Variants in TDRD9 observed in about 807,000 individuals in gnomAD.
TDRD9 encodes the protein tudor domain containing 9.
A neutral mutation model predicts 172.6 loss-of-function variants in TDRD9; 124 were observed. That is an observed-to-expected ratio of 0.72 (90% confidence interval 0.62 to 0.83). The LOEUF is 0.83. TDRD9 is among the 40% of genes least tolerant of loss of function. The pLI, the probability that TDRD9 is intolerant of heterozygous loss-of-function variation, is 0.00. For synonymous variants in TDRD9, 619 were observed against 617.1 expected (o/e 1.00, Z -0.05); for missense variants, 1,479 against 1,714.1 (o/e 0.86, Z 2.42).
chr14:104,043,860 G>T (rs1212485601), intron 34 of TDRD9, among the ~76,000 whole-genome samples: 1 of 152,232 alleles, frequency 6.6e-6, no homozygotes, highest in Non-Finnish European at 1.5e-5. Context: ...GCAGTCTCAT[G>T]CAGGCAGCCT....
At position 104,025,461 on chromosome 14, in the gene TDRD9, G is replaced by A. The variant is rs1028157453; in HGVS notation, c.2719-103G>A. 8 of 801,534 alleles carry A rather than the reference G, an allele frequency of 1.0e-5. No individual in the cohort carries two copies. The Admixed American group carries it at 1.0e-4, about 10-fold the overall frequency. The allele number at this position is 801,534 out of a possible 1,614,324, so 49.7% of individuals were successfully genotyped here. A position where few individuals can be genotyped will look rare whatever the true frequency, so the allele number is the denominator to read the frequency against. ...ATGTTCCGAGGATTAACGCTGGTGA[G>A]GTGTCGTACAGCACAGGGTGTCAGC... On this transcript the variant is annotated intron_variant, in intron 25 of 35. Coordinates refer to ENST00000409874, the MANE Select transcript of TDRD9 (RefSeq NM_153046.3).
chr14:103,965,540 GT>G lies in TDRD9; in HGVS notation c.629del (p.Val210GlyfsTer6). Reference protein sequence around the residue: ...SKERAWTLGGVVGYQVGLEKI... With the variant: ...SKERAWTLGGXVGYQVGLEKI... Reference sequence around the variant, plus strand: ...AGAGCGTGCCTGGACCCTGGGAGGTGTGGTGGGCTACCAGGTGAGACTGGGA... The same window carrying G: ...AGAGCGTGCCTGGACCCTGGGAGGTGGGTGGGCTACCAGGTGAGACTGGGA... On this transcript the variant is annotated frameshift_variant, in exon 4 of 36. Transcript: ENST00000409874. LOFTEE classifies it high-confidence loss of function. The G allele has an allele frequency of 6.5e-7, 1 of 1,548,810 alleles. No homozygotes were observed.
chr14:104,049,774 A>G, intron 35 of TDRD9, 94 bp downstream of exon 35: 1 of 1,058,316 alleles, frequency 9.4e-7, no homozygotes, highest in South Asian at 1.5e-5. Context: ...GGGCTGGCCG[A>G]GGGTCTGAGA....
At chr14:104,034,926 A>G (rs1596016173) in intron 31 of TDRD9, 34 bp from the exon 32 acceptor site, 1 of 1,513,526 alleles carries the variant, frequency 6.6e-7, no homozygotes, top group East Asian at 2.5e-5. Context: ...AGCGTGAGTT[A>G]ATGCCCGATG....
intron 23 of TDRD9, among the ~76,000 whole-genome samples, chr14:104,020,082 C>T (rs1298364214): frequency 6.6e-6 from 1 of 152,082 alleles, no homozygotes; most frequent in Non-Finnish European, 1.5e-5. Context: ...CAGAGCTGCT[C>T]CGTGTCAGAT....
intron 5 of TDRD9, among the ~76,000 whole-genome samples, chr14:103,967,392 G>A (rs376967737): frequency 3.4e-4 from 51 of 151,240 alleles, no homozygotes; most frequent in African/African-American, 1.2e-3. Context: ...GGGTGCGGTG[G>A]CACACACCTA....
At position 103,994,345 on chromosome 14, in the gene TDRD9, A is replaced by T. The variant is rs991903604; in HGVS notation, c.1194A>T (p.Ile398=). ...TTTCTTCCCTAGGTCTGGGTGAAAT[A>T]AATTATATGCATGAACTTCTCACAA... The part of the protein sequence containing the change: ...VLVFLPGLGE[I]NYMHELLTSL... The change falls in exon 10 of 36, where the codon ATA becomes ATT. Residue 398 remains isoleucine, a synonymous_variant. Transcript: ENST00000409874. The T allele has an allele frequency of 6.2e-7, 1 of 1,613,590 alleles. No individual in the cohort carries two copies. The highest frequency in any genetic ancestry group is 8.5e-7 in the Non-Finnish European group (1 of 1,179,724).
At position 103,957,168 on chromosome 14, in the gene TDRD9, C is replaced by CTTTCATTTAGTTTTGTGTT. The variant is rs2032289197; in HGVS notation, c.322+1407_322+1425dup. On this transcript the variant is annotated intron_variant, in intron 2 of 35. Transcript: ENST00000409874. The stretch of plus-strand genomic sequence containing the variant: ...TCTGAGCCATCATCTATGGCCCACT[C>CTTTCATTTAGTTTTGTGTT]TTTCATTTAGTTTTGTGTTTTTCAT... Among the ~76,000 whole-genome samples the CTTTCATTTAGTTTTGTGTT allele has an allele frequency of 2.0e-5, 3 of 152,174 alleles. No homozygotes were observed. In the South Asian group the frequency reaches 6.2e-4, roughly 31 times the overall value.
chr14:103,974,188 C>A (rs973747609), intron 6 of TDRD9, among the ~76,000 whole-genome samples: 2 of 152,136 alleles, frequency 1.3e-5, no homozygotes, highest in Admixed American at 1.3e-4. Context: ...GGTGGTAGAG[C>A]CAGAACTTGT....
intron 22 of TDRD9, among the ~76,000 whole-genome samples, chr14:104,016,775 A>G (rs2034806283): frequency 6.6e-6 from 1 of 152,214 alleles, no homozygotes. Context: ...TGTATCTGAT[A>G]AGGCGGGGTG....
chr14:103,947,105 G>C (rs1392453858), intron 1 of TDRD9, among the ~76,000 whole-genome samples: 1 of 152,066 alleles, frequency 6.6e-6, no homozygotes, highest in Non-Finnish European at 1.5e-5. Flanking sequence ...GAAGTACAAA[G>C]CTGGAAGACT....
At chr14:103,944,918 G>A (rs1045407943) in intron 1 of TDRD9, among the ~76,000 whole-genome samples, 1 of 152,140 alleles carries the variant, frequency 6.6e-6, no homozygotes, top group African/African-American at 2.4e-5. Flanking sequence ...GTCCTCTACT[G>A]TAATTGCTGG....
Position 103,941,522 on chromosome 14 carries a change from A to T in TDRD9, c.215+12798A>T, listed in dbSNP as rs563244510. ...AGTTTCTGAGCCAGTTGTAATCCAC[A>T]CCTGTTTTTTTCACTTTTTGTTCAT... On this transcript the variant is annotated intron_variant, in intron 1 of 35. Coordinates refer to ENST00000409874, the MANE Select transcript of TDRD9 (RefSeq NM_153046.3). The T allele has an allele frequency of 7.2e-5, 110 of 1,534,794 alleles. 1 individual carries two copies. In the East Asian group the frequency reaches 2.7e-3, roughly 37 times the overall value.
At position 104,026,883 on chromosome 14, in the gene TDRD9, G is replaced by C. The variant is rs2035139218; in HGVS notation, c.3226G>C (p.Asp1076His). Residue 1076 changes from aspartate to histidine, a missense_variant, in exon 28 of 36, where the codon GAC becomes CAC. Coordinates refer to ENST00000409874, the MANE Select transcript of TDRD9 (RefSeq NM_153046.3). The part of the protein sequence containing the change: ...SGVQDAINIR[D>H]VLIQQGYAEL... ...GGTCCAGGATGCCATCAACATAAGA[G>C]ACGTCCTCATCCAGCAGGGCTATGC... 1 of 1,613,920 alleles carries C rather than the reference G, an allele frequency of 6.2e-7. No homozygotes were observed. The highest frequency in any genetic ancestry group is 8.5e-7 in the Non-Finnish European group (1 of 1,179,890).
intron 32 of TDRD9, among the ~76,000 whole-genome samples, chr14:104,035,555 T>C (rs2035426087): frequency 1.3e-5 from 2 of 152,254 alleles, no homozygotes; most frequent in African/African-American, 4.8e-5. Context: ...GAGTGTGTGA[T>C]GCCATGAGCA....
intron 31 of TDRD9, 65 bp from the exon 32 acceptor site, chr14:104,034,895 G>A: frequency 7.7e-7 from 1 of 1,306,062 alleles, no homozygotes; most frequent in Non-Finnish European, 1.1e-6. Flanking sequence ...GAGCGGGCCG[G>A]GAGGGAACGC....
chr14:103,982,848 C>T (rs945502306), intron 7 of TDRD9, among the ~76,000 whole-genome samples: 4 of 152,092 alleles, frequency 2.6e-5, no homozygotes, highest in Non-Finnish European at 5.9e-5. Context: ...TTGCGGTGAG[C>T]CAAGATCACG....
chr14:104,014,011 T>G (rs2034698793), intron 20 of TDRD9: 1 of 152,092 alleles, frequency 6.6e-6, no homozygotes, highest in African/African-American at 2.4e-5. Flanking sequence ...AGGCGGATCA[T>G]GAGGTCAGGA....
chr14:103,952,190 G>GTGTATA (rs1366094210), intron 1 of TDRD9, among the ~76,000 whole-genome samples: 1,857 of 55,292 alleles, frequency 0.034, 58 homozygotes, highest in Middle Eastern at 0.059. Flanking sequence ...GCGTGTGTGT[G>GTGTATA]TATATATATA....
Sources: allele counts gnomAD v4.1 joint callset (sites outside exome capture counted in the v4.1 genomes callset), GRCh38; gene constraint gnomAD v4.1.1; transcripts MANE v1.5; gene names NCBI Gene and HGNC (gene_info 2026-07-23, HGNC 2026-07-21).